The following SMAP2 variants were observed in gnomAD, a reference collection of about 807,000 sequenced individuals.
SMAP2 encodes the protein small ArfGAP2.
In SMAP2, 25 loss-of-function variants were observed where a neutral mutation model predicts 56.4. That is an observed-to-expected ratio of 0.44 (90% confidence interval 0.32 to 0.62). SMAP2 has a LOEUF of 0.62. Ranked by LOEUF, SMAP2 falls within the 20% of genes least tolerant of loss-of-function variation. The probability of loss-of-function intolerance (pLI) is 0.04; values close to 1 mark genes in which losing one functional copy is unlikely to be tolerated. For missense variants in SMAP2, 388 were observed against 545.6 expected (o/e 0.71, Z 2.88); for synonymous variants, 157 against 181.7 (o/e 0.86, Z 1.09).
At position 40,406,815 on chromosome 1, in the gene SMAP2, C is replaced by T. The variant is rs1336322981; in HGVS notation, c.183C>T (p.His61=). Residue 61 remains histidine (H), a synonymous_variant, in exon 2 of 10, where the codon CAC becomes CAT. Coordinates refer to ENST00000372718, the MANE Select transcript of SMAP2 (RefSeq NM_022733.3). The part of the protein sequence containing the change: ...CAGIHRNLGV[H]ISRVKSVNLD... ...GAATCCACAGGAATCTGGGGGTGCACATATCCAGGGTAAAGTCAGTTAACC... is the reference window on the plus strand; with the variant it reads ...GAATCCACAGGAATCTGGGGGTGCATATATCCAGGGTAAAGTCAGTTAACC... The T allele has an allele frequency of 6.2e-7, 1 of 1,614,060 alleles. No individual in the cohort carries two copies. Among genetic ancestry groups the T allele is most frequent in the African/African-American group, 1.3e-5 (1 of 75,004 alleles).
At chr1:40,400,008 A>G (rs1451609843) in intron 1 of SMAP2, among the ~76,000 whole-genome samples, 1 of 152,230 alleles carries the variant, frequency 6.6e-6, no homozygotes, top group Non-Finnish European at 1.5e-5. Flanking sequence ...AAAGGGTAGA[A>G]GAGATGTTAC....
At chr1:40,420,909 C>T (rs1439103163) in intron 9 of SMAP2, among the ~76,000 whole-genome samples, 1 of 152,114 alleles carries the variant, frequency 6.6e-6, no homozygotes, top group Non-Finnish European at 1.5e-5. Context: ...AAATGAAATG[C>T]CATGTACATT....
At chr1:40,420,958 A>C (rs1645036161) in intron 9 of SMAP2, among the ~76,000 whole-genome samples, 4 of 152,086 alleles carry the variant, frequency 2.6e-5, no homozygotes, top group African/African-American at 9.6e-5. Context: ...GAGCGTGTTC[A>C]TTGTTTTGTG....
chr1:40,388,255 G>A (rs1557833481), intron 1 of SMAP2, among the ~76,000 whole-genome samples: 1 of 152,254 alleles, frequency 6.6e-6, no homozygotes, highest in African/African-American at 2.4e-5. Flanking sequence ...CGCGGGACTG[G>A]CGGGCAGCTC....
intron 5 of SMAP2, 67 bp from the exon 6 acceptor site, chr1:40,414,092 C>A: frequency 7.1e-7 from 1 of 1,417,518 alleles, no homozygotes; most frequent in Non-Finnish European, 9.9e-7. Flanking sequence ...CGTGGCTTTA[C>A]AGTGGAGATG....
chr1:40,383,514 A>G (rs1644620588), intron 1 of SMAP2, among the ~76,000 whole-genome samples: 1 of 152,212 alleles, frequency 6.6e-6, no homozygotes, highest in Non-Finnish European at 1.5e-5. Context: ...TATTTGAATT[A>G]TTTTGGACAA....
chr1:40,350,937 A>C (rs1196392322), intron 1 of SMAP2, among the ~76,000 whole-genome samples: 1 of 152,226 alleles, frequency 6.6e-6, no homozygotes, highest in African/African-American at 2.4e-5. Flanking sequence ...TCTGCTCATT[A>C]ACTCATTACA....
Position 40,400,435 on chromosome 1 carries a change from A to G in SMAP2, c.104-6301A>G, listed in dbSNP as rs181992624. Among the ~76,000 whole-genome samples the G allele has an allele frequency of 9.1e-4, 138 of 152,330 alleles. 1 individual carries two copies. Among genetic ancestry groups the G allele is most frequent in the African/African-American group, 3.2e-3 (133 of 41,574 alleles). ...TTGGGCTCAAGGGAGAAGAGAATGTAAAAGTGGAGAGAGAGCTATTAGGAG... is the reference window on the plus strand; with the variant it reads ...TTGGGCTCAAGGGAGAAGAGAATGTGAAAGTGGAGAGAGAGCTATTAGGAG... On this transcript the variant is annotated intron_variant, in intron 1 of 9. Coordinates refer to ENST00000372718, the MANE Select transcript of SMAP2 (RefSeq NM_022733.3).
chr1:40,394,746 C>T (rs988179462), intron 1 of SMAP2, among the ~76,000 whole-genome samples: 8 of 151,822 alleles, frequency 5.3e-5, no homozygotes, highest in Admixed American at 1.3e-4. Context: ...TTTTTTACGA[C>T]GATGTAATTG....
At chr1:40,368,011 TA>T (rs1239785951) in intron 2 of SMAP2, among the ~76,000 whole-genome samples, 1 of 144,144 alleles carries the variant, frequency 6.9e-6, no homozygotes, top group African/African-American at 2.6e-5. Flanking sequence ...TAAAAAATGA[TA>T]AAGGGGATAG....
At chr1:40,416,141 C>T in intron 7 of SMAP2, 35 bp from the exon 8 acceptor site, 3 of 1,596,294 alleles carry the variant, frequency 1.9e-6, no homozygotes, top group Non-Finnish European at 2.6e-6. Context: ...CCATGAGAAC[C>T]ATTTCAATTC....
At chr1:40,419,749 A>G (rs944638161) in intron 9 of SMAP2, among the ~76,000 whole-genome samples, 4 of 152,270 alleles carry the variant, frequency 2.6e-5, no homozygotes, top group Admixed American at 2.0e-4. Flanking sequence ...CTAGTTTTGC[A>G]CTAGGTACAA....
chr1:40,399,893 A>G (rs1316448447), intron 1 of SMAP2, among the ~76,000 whole-genome samples: 2 of 152,164 alleles, frequency 1.3e-5, no homozygotes, highest in African/African-American at 4.8e-5. Context: ...GGGTGGGAGT[A>G]TAGCTGAAAC....
chr1:40,365,072 A>G (rs755841202), intron 2 of SMAP2: 2 of 224,596 alleles, frequency 8.9e-6, no homozygotes, highest in East Asian at 1.0e-4. Flanking sequence ...GAGCTTGTAC[A>G]TAACATTCAC....
chr1:40,380,881 G>C (rs540354412), intron 1 of SMAP2, among the ~76,000 whole-genome samples: 50 of 152,204 alleles, frequency 3.3e-4, no homozygotes, highest in African/African-American at 1.2e-3. Context: ...AACAGAAGGA[G>C]TTCTGCTTCC....
intron 2 of SMAP2, among the ~76,000 whole-genome samples, chr1:40,367,888 C>A (rs1644484113): frequency 8.7e-6 from 1 of 115,072 alleles, no homozygotes; most frequent in Non-Finnish European, 1.8e-5. Context: ...CACAAAAAAC[C>A]CTTCAAAAAA....
At chr1:40,354,787 T>G (rs1644426708) in intron 1 of SMAP2, among the ~76,000 whole-genome samples, 1 of 123,218 alleles carries the variant, frequency 8.1e-6, no homozygotes, top group Non-Finnish European at 1.7e-5. Context: ...TTTTTTTTTT[T>G]TTTTTTTGAG....
intron 1 of SMAP2, among the ~76,000 whole-genome samples, chr1:40,396,103 A>T (rs1357999664): frequency 6.6e-6 from 1 of 152,164 alleles, no homozygotes; most frequent in Non-Finnish European, 1.5e-5. Flanking sequence ...TGAGTATATA[A>T]GTGGCTGCTT....
intron 4 of SMAP2, among the ~76,000 whole-genome samples, chr1:40,410,749 A>T (rs950595801): frequency 1.3e-5 from 2 of 152,190 alleles, no homozygotes; most frequent in Non-Finnish European, 2.9e-5. Flanking sequence ...ACACAGGGGG[A>T]CAGACAGCAT....
Sources: allele counts gnomAD v4.1 joint callset (sites outside exome capture counted in the v4.1 genomes callset), GRCh38; gene constraint gnomAD v4.1.1; transcripts MANE v1.5; gene names NCBI Gene and HGNC (gene_info 2026-07-23, HGNC 2026-07-21).